Variants in CENPI observed in about 807,000 individuals in gnomAD.
CENPI encodes the protein centromere protein I, also known as FSH primary response 1.
A neutral mutation model predicts 60.4 loss-of-function variants in CENPI; 4 were observed. That is an observed-to-expected ratio of 0.07 (90% CI 0.03 to 0.15). The LOEUF (loss-of-function observed/expected upper bound fraction) is 0.15. Among genes scored for constraint, CENPI ranks in the 10% least tolerant of loss-of-function variants. The probability of loss-of-function intolerance (pLI) is 1.00; values close to 1 mark genes in which losing one functional copy is unlikely to be tolerated. For missense variants in CENPI, 444 were observed against 534.5 expected (o/e 0.83, Z 1.67); for synonymous variants, 157 against 189.4 (o/e 0.83, Z 1.40).
At chrX:101,104,030 A>G (rs1016661517) in intron 4 of CENPI, among the ~76,000 whole-genome samples, 21 of 109,783 alleles carry the variant, frequency 1.9e-4, no homozygotes, top group Admixed American at 4.9e-4. Flanking sequence ...CTGGAATGCA[A>G]TGGCATGATC....
intron 4 of CENPI, among the ~76,000 whole-genome samples, chrX:101,104,110 C>A (rs958985062): frequency 3.6e-5 from 4 of 111,463 alleles, no homozygotes; most frequent in Non-Finnish European, 7.5e-5. Flanking sequence ...AGTAGTTGGG[C>A]TTATCGGCAT....
chrX:101,130,439 C>G (rs191749188), intron 13 of CENPI, among the ~76,000 whole-genome samples: 7 of 111,592 alleles, frequency 6.3e-5, no homozygotes, highest in Admixed American at 5.7e-4. Flanking sequence ...GTCTCAAAAA[C>G]AACAACAACA....
At chrX:101,107,122 G>T (rs779299301) in intron 4 of CENPI, among the ~76,000 whole-genome samples, 1 of 107,090 alleles carries the variant, frequency 9.3e-6, no homozygotes, top group South Asian at 4.1e-4. Context: ...ACTTTTTTGG[G>T]GTGAGTGGAT....
intron 6 of CENPI, among the ~76,000 whole-genome samples, chrX:101,112,361 T>C (rs1034506394): frequency 7.1e-5 from 8 of 112,070 alleles, no homozygotes; most frequent in Non-Finnish European, 1.3e-4. Flanking sequence ...ATTTTCCAGA[T>C]GAACAAGTAC....
chrX:101,148,247 A>G, intron 20 of CENPI, 86 bp downstream of exon 20: 2 of 801,946 alleles, frequency 2.5e-6, no homozygotes, highest in Non-Finnish European at 1.8e-6. Context: ...AATGTGTCTG[A>G]ATTGTAAGAC....
At chrX:101,157,489 A>C (rs765661390) in intron 20 of CENPI, among the ~76,000 whole-genome samples, 11 of 109,596 alleles carry the variant, frequency 1.0e-4, no homozygotes, top group Non-Finnish European at 1.3e-4. Flanking sequence ...CTTTACATAA[A>C]ATTTTAAAAA....
In CENPI at chrX:101,102,488, T is replaced by TACACACACAC. The variant is rs1245763054; in HGVS notation, c.364+78_364+79insCACACACACA. ...TTTTTTCTTTTAAAAATAAATCTTATATATATATACACACACACACACACA... is the reference window on the plus strand; with the variant it reads ...TTTTTTCTTTTAAAAATAAATCTTATACACACACACATATATATACACACACACACACACA... On this transcript the variant is annotated intron_variant, in intron 4 of 21. Coordinates refer to ENST00000682095, the MANE Select transcript of CENPI (RefSeq NM_001386188.2). The TACACACACAC allele has an allele frequency of 3.2e-5, 11 of 340,880 alleles. No individual in the cohort carries two copies. In the Admixed American group the frequency reaches 3.8e-4, roughly 12 times the overall value. 28.1% of individuals were successfully genotyped at this position (340,880 alleles called of 1,213,427 possible). A position where few individuals can be genotyped will look rare whatever the true frequency, so the allele number is the denominator to read the frequency against.
the CENPI span, among the ~76,000 whole-genome samples, chrX:101,175,658 A>G: frequency 9.0e-6 from 1 of 111,705 alleles, no homozygotes; most frequent in Non-Finnish European, 1.9e-5. Context: ...CTATACTTCT[A>G]TTTTTAATTG....
chrX:101,134,674 C>G (rs954636666), intron 15 of CENPI, among the ~76,000 whole-genome samples: 5 of 110,753 alleles, frequency 4.5e-5, no homozygotes, highest in Non-Finnish European at 9.4e-5. Context: ...GTGGTCTAGT[C>G]TAGATAGGAA....
chrX:101,098,959 A>G (rs774880898), intron 2 of CENPI: 2 of 111,736 alleles, frequency 1.8e-5, no homozygotes, highest in African/African-American at 6.5e-5. Flanking sequence ...GTCCCTGGCT[A>G]CGTTCTGACT....
At chrX:101,144,967 C>A (rs1347344776) in intron 16 of CENPI, 97 bp from the exon 17 acceptor site, 6 of 711,873 alleles carry the variant, frequency 8.4e-6, no homozygotes, top group Non-Finnish European at 1.2e-5. Flanking sequence ...TTTTTAAAAT[C>A]CTCACCAACA....
At chrX:101,161,592 T>TGTTGAGGG in intron 21 of CENPI, 23 bp downstream of exon 21, 1 of 1,166,072 alleles carries the variant, frequency 8.6e-7, no homozygotes, top group Non-Finnish European at 1.2e-6. Flanking sequence ...ACTTTCATCG[T>TGTTGAGGG]GTTGAGGGAT....
downstream of CENPI, among the ~76,000 whole-genome samples, chrX:101,170,395 C>T (rs965897886): frequency 9.0e-6 from 1 of 111,517 alleles, no homozygotes; most frequent in Non-Finnish European, 1.9e-5. Context: ...ATGGCACTGT[C>T]GTTCAGAGAT....
intron 15 of CENPI, among the ~76,000 whole-genome samples, chrX:101,139,414 T>G (rs1007893516): frequency 3.6e-4 from 40 of 111,151 alleles, no homozygotes; most frequent in Non-Finnish European, 5.7e-4. Flanking sequence ...GTTTTCTAAA[T>G]GTAACATTGT....
At chrX:101,160,804 A>G (rs1157631852) in intron 20 of CENPI, among the ~76,000 whole-genome samples, 2 of 111,946 alleles carry the variant, frequency 1.8e-5, no homozygotes, top group Non-Finnish European at 3.8e-5. Flanking sequence ...AATTACCATG[A>G]TTTGATCATT....
At position 101,152,966 on chromosome X, in the gene CENPI, C is replaced by T. The variant is rs190655174; in HGVS notation, c.2094+4805C>T. Among the ~76,000 whole-genome samples, 185 of 108,357 alleles carry T rather than the reference C, an allele frequency of 1.7e-3. 1 individual carries two copies. Among genetic ancestry groups the T allele is most frequent in the African/African-American group, 5.8e-3 (174 of 29,754 alleles). 94.1% of individuals were successfully genotyped at this position (108,357 alleles called of 115,157 possible). On this transcript the variant is annotated intron_variant, in intron 20 of 21. Coordinates refer to ENST00000682095, the MANE Select transcript of CENPI (RefSeq NM_001386188.2). ...GTATATATACTTAAGAGTGGGAATA[C>T]TAGATCATATGGTAACTCTATGTTT...
intron 17 of CENPI, among the ~76,000 whole-genome samples, chrX:101,145,639 A>G (rs1429759883): frequency 2.8e-5 from 3 of 108,171 alleles, no homozygotes; most frequent in Admixed American, 9.9e-5. Context: ...GGTTGGTGCA[A>G]AAGTAATTGC....
chrX:101,124,865 T>C (rs1346638242), intron 8 of CENPI, among the ~76,000 whole-genome samples: 1 of 111,906 alleles, frequency 8.9e-6, no homozygotes, highest in East Asian at 2.8e-4. Context: ...CCTCTTTCCT[T>C]TATAAATGAC....
the CENPI span, among the ~76,000 whole-genome samples, chrX:101,175,725 G>A: frequency 1.8e-5 from 2 of 111,660 alleles, no homozygotes; most frequent in Admixed American, 1.9e-4. Context: ...TACATGTATA[G>A]ACTGTATAAT....
Sources: gnomAD v4.1 joint callset for allele counts (sites outside exome capture counted in the v4.1 genomes callset) on GRCh38, gnomAD v4.1.1 for gene constraint, MANE v1.5 for transcripts, NCBI Gene and HGNC (gene_info 2026-07-23, HGNC 2026-07-21) for gene names.